Variants in MORC1 observed in about 807,000 individuals in gnomAD.
The protein encoded by MORC1 is MORC family CW-type zinc finger protein 1.
In MORC1, 59 loss-of-function variants were observed where a neutral mutation model predicts 134.9. The observed-to-expected ratio is 0.44, with a 90% CI of 0.35 to 0.54. The LOEUF is 0.54. Among genes scored for constraint, MORC1 ranks in the 20% least tolerant of loss-of-function variants. The probability of loss-of-function intolerance (pLI) is 0.00; values close to 1 mark genes in which losing one functional copy is unlikely to be tolerated. For synonymous variants in MORC1, 395 were observed against 391.7 expected (o/e 1.01, Z -0.10); for missense variants, 947 against 1,134.5 (o/e 0.83, Z 2.37).
At chr3:109,084,608 T>A (rs912765118) in intron 8 of MORC1, among the ~76,000 whole-genome samples, 3 of 152,036 alleles carry the variant, frequency 2.0e-5, no homozygotes, top group African/African-American at 7.2e-5. Flanking sequence ...CAATAGAATA[T>A]CAAAATACCA....
chr3:109,105,085 T>C (rs1951001806), intron 3 of MORC1, among the ~76,000 whole-genome samples: 1 of 152,038 alleles, frequency 6.6e-6, no homozygotes, highest in African/African-American at 2.4e-5. Flanking sequence ...ACTTCTCTGT[T>C]CAAAAGTCAC....
intron 16 of MORC1, among the ~76,000 whole-genome samples, chr3:109,030,237 C>A (rs1949209691): frequency 6.6e-6 from 1 of 152,198 alleles, no homozygotes; most frequent in Admixed American, 6.5e-5. Flanking sequence ...CTTGTCATCA[C>A]TTTAATACAC....
At chr3:109,006,973 T>C in intron 18 of MORC1, 56 bp downstream of exon 18, 2 of 1,445,556 alleles carry the variant, frequency 1.4e-6, no homozygotes, top group Non-Finnish European at 1.9e-6. Flanking sequence ...ATAAGGCTTC[T>C]CCTTCACATG....
At chr3:109,028,236 C>CG (rs1266592189) in intron 16 of MORC1, among the ~76,000 whole-genome samples, 1 of 151,344 alleles carries the variant, frequency 6.6e-6, no homozygotes, top group Non-Finnish European at 1.5e-5. Context: ...CTGCCATTTC[C>CG]CCCCCCAAAA....
intron 9 of MORC1, 116 bp downstream of exon 9, chr3:109,069,516 T>C: frequency 9.5e-7 from 1 of 1,047,526 alleles, no homozygotes; most frequent in Non-Finnish European, 1.3e-6. Flanking sequence ...TTAAATTTTG[T>C]TTACAATGTA....
At chr3:109,006,007 G>A (rs1400647184) in intron 18 of MORC1, among the ~76,000 whole-genome samples, 1 of 152,128 alleles carries the variant, frequency 6.6e-6, no homozygotes, top group Non-Finnish European at 1.5e-5. Flanking sequence ...GTTTGTTCAT[G>A]GCTAAGTCAA....
At chr3:109,004,267 T>C (rs1358289733) in intron 20 of MORC1, among the ~76,000 whole-genome samples, 2 of 152,214 alleles carry the variant, frequency 1.3e-5, no homozygotes, top group East Asian at 1.9e-4. Context: ...ATATTTTCTA[T>C]GGTGAACAAT....
intron 8 of MORC1, among the ~76,000 whole-genome samples, chr3:109,091,450 T>A (rs1013307292): frequency 2.3e-4 from 29 of 126,468 alleles, no homozygotes; most frequent in African/African-American, 1.0e-3. Context: ...TCTAAAAAAA[T>A]AAATAAATAA....
chr3:109,113,866 C>T (rs938722557), intron 2 of MORC1, among the ~76,000 whole-genome samples: 9 of 152,174 alleles, frequency 5.9e-5, no homozygotes, highest in African/African-American at 2.2e-4. Context: ...TTGAATAAAT[C>T]ATCTAATCTC....
chr3:109,018,272 C>A (rs1011596364), intron 17 of MORC1, among the ~76,000 whole-genome samples: 2 of 152,118 alleles, frequency 1.3e-5, no homozygotes, highest in Non-Finnish European at 2.9e-5. Context: ...AAATTTACTT[C>A]ACTTGGGACC....
At position 109,038,287 on chromosome 3, in the gene MORC1, G is replaced by GTT. The variant is rs137911536; in HGVS notation, c.1331-2821_1331-2820dup. ...TATCCTTTGCCCACTTGTTGATGGG[G>GTT]TTTTTTTTTTTTGTAAATTTGTTTA... On this transcript the variant is annotated intron_variant, in intron 14 of 27. Transcript: ENST00000232603. Among the ~76,000 whole-genome samples the GTT allele has an allele frequency of 3.9e-3, 567 of 146,682 alleles. 7 individuals are homozygous for GTT. The highest frequency in any genetic ancestry group is 0.027 in the East Asian group (137 of 5,042).
intron 8 of MORC1, among the ~76,000 whole-genome samples, chr3:109,089,872 T>C (rs1950682524): frequency 1.3e-5 from 2 of 152,128 alleles, no homozygotes; most frequent in South Asian, 4.1e-4. Flanking sequence ...ATTTTTTGTA[T>C]CTTCTTCCCT....
At chr3:109,102,052 T>C (rs111569124) in intron 4 of MORC1, among the ~76,000 whole-genome samples, 29 of 152,302 alleles carry the variant, frequency 1.9e-4, no homozygotes, top group African/African-American at 5.3e-4. Context: ...GAGAAACAGA[T>C]TGAAAGTAAA....
rs992898051 is a variant in MORC1, at chr3:109,000,544, T to C, written c.2187+13A>G. 1.9e-6 allele frequency: 3 copies of C among 1,555,930 alleles called. No homozygotes were observed. The highest frequency in any genetic ancestry group is 2.6e-6 in the Non-Finnish European group (3 of 1,139,044). ...AAATCTCAAGGTGTCATTTAGTGTATAGTTTATCTCACCAGGATTATATCT... is the reference window on the plus strand; with the variant it reads ...AAATCTCAAGGTGTCATTTAGTGTACAGTTTATCTCACCAGGATTATATCT... On this transcript the variant is annotated intron_variant, in intron 21 of 27. Transcript: ENST00000232603.
intron 15 of MORC1, among the ~76,000 whole-genome samples, chr3:109,033,937 T>A (rs1226039929): frequency 1.3e-5 from 2 of 152,192 alleles, no homozygotes; most frequent in Non-Finnish European, 2.9e-5. Context: ...AGCTCTTGAG[T>A]ACTGGAGATT....
chr3:108,980,359 G>C (rs373229320), intron 23 of MORC1, among the ~76,000 whole-genome samples: 5 of 152,088 alleles, frequency 3.3e-5, no homozygotes, highest in Non-Finnish European at 7.4e-5. Context: ...CTCCCACCTA[G>C]AGAGTTTTCA....
At chr3:108,995,126 A>G (rs1948164710) in intron 21 of MORC1, among the ~76,000 whole-genome samples, 1 of 152,226 alleles carries the variant, frequency 6.6e-6, no homozygotes, top group South Asian at 2.1e-4. Context: ...TGCCTGGAGT[A>G]AAGTTGAACT....
chr3:108,962,449 A>G (rs1453040642), intron 27 of MORC1, among the ~76,000 whole-genome samples: 1 of 152,158 alleles, frequency 6.6e-6, no homozygotes, highest in Non-Finnish European at 1.5e-5. Context: ...CACACATTAT[A>G]CAGATATATG....
At chr3:109,046,307 G>C (rs190933251) in intron 14 of MORC1, among the ~76,000 whole-genome samples, 1 of 152,180 alleles carries the variant, frequency 6.6e-6, no homozygotes, top group African/African-American at 2.4e-5. Context: ...AACAACACTG[G>C]GGAAAATTAT....
Sources: allele counts gnomAD v4.1 joint callset (sites outside exome capture counted in the v4.1 genomes callset), GRCh38; gene constraint gnomAD v4.1.1; transcripts MANE v1.5; gene names NCBI Gene and HGNC (gene_info 2026-07-23, HGNC 2026-07-21).